Variants in FAM171A1 observed in about 807,000 individuals in gnomAD.
FAM171A1 encodes the protein family with sequence similarity 171 member A1.
FAM171A1 carries 23 observed loss-of-function variants against 74.9 expected under a neutral mutation model. That is an observed-to-expected ratio of 0.31 (90% CI 0.22 to 0.44). FAM171A1 has a LOEUF of 0.44. Ranked by LOEUF, FAM171A1 falls within the 20% of genes least tolerant of loss-of-function variation. The probability of loss-of-function intolerance (pLI) is 1.00; values close to 1 mark genes in which losing one functional copy is unlikely to be tolerated. For synonymous variants in FAM171A1, 527 were observed against 505.7 expected (o/e 1.04, Z -0.57); for missense variants, 1,162 against 1,159.2 (o/e 1.00, Z -0.03).
At position 15,213,281 on chromosome 10, in the gene FAM171A1, G is replaced by C; in HGVS notation, c.2307C>G (p.Val769=). The change falls in exon 8 of 8, where the codon GTC becomes GTG. Residue 769 remains valine (V), a synonymous_variant. Transcript: ENST00000378116. The surrounding 1 kb of genome is among the most constrained non-coding windows in gnomAD (Gnocchi z 6.8). ...GAGGCTCTTTCTGCTGGTGCTCTTGGACGGGCGGGTAGTTCTGCTGCAGAG... is the reference window on the plus strand; with the variant it reads ...GAGGCTCTTTCTGCTGGTGCTCTTGCACGGGCGGGTAGTTCTGCTGCAGAG... ...ALSLQQNYPP[V]QEHQQKEPRA... The C allele has an allele frequency of 6.2e-7, 1 of 1,614,068 alleles. No homozygotes were observed. Among genetic ancestry groups the C allele is most frequent in the Non-Finnish European group, 8.5e-7 (1 of 1,180,030 alleles).
chr10:15,260,404 T>A (rs557415952), intron 3 of FAM171A1, among the ~76,000 whole-genome samples: 11 of 152,330 alleles, frequency 7.2e-5, no homozygotes, highest in African/African-American at 1.9e-4. Context: ...CTCTACCACC[T>A]TATAGTTGAG....
intron 2 of FAM171A1, among the ~76,000 whole-genome samples, chr10:15,278,915 C>G (rs963896552): frequency 6.6e-6 from 1 of 152,178 alleles, no homozygotes. Context: ...CACAGGGCAC[C>G]TCCTGGCGAG....
Position 15,212,749 on chromosome 10 carries a change from T to C in FAM171A1, c.*166A>G, listed in dbSNP as rs1369553480. On this transcript the variant is annotated 3_prime_UTR_variant, in exon 8 of 8. Transcript: ENST00000378116. ...GTCATCCTTTATTCCGAGTAATAACTTTAATTCCTTTCTAACATTTACACG... is the reference window on the plus strand; with the variant it reads ...GTCATCCTTTATTCCGAGTAATAACCTTAATTCCTTTCTAACATTTACACG... The C allele has an allele frequency of 1.0e-6, 1 of 975,370 alleles. No homozygotes were observed. The highest frequency in any genetic ancestry group is 1.5e-6 in the Non-Finnish European group (1 of 666,132). The allele number at this position is 975,370 out of a possible 1,614,324, so 60.4% of individuals were successfully genotyped here.
intron 5 of FAM171A1, among the ~76,000 whole-genome samples, chr10:15,229,444 G>A (rs376860599): frequency 0.079 from 11,529 of 146,394 alleles, 1,157 homozygotes; most frequent in African/African-American, 0.24. Flanking sequence ...CATCACCATC[G>A]TCACCACCAT....
chr10:15,274,591 C>G (rs1834868795), intron 3 of FAM171A1, among the ~76,000 whole-genome samples: 1 of 152,048 alleles, frequency 6.6e-6, no homozygotes, highest in Non-Finnish European at 1.5e-5. Context: ...AATCTTAAGC[C>G]AAAAGAACAA....
chr10:15,357,724 A>C (rs904903898), intron 1 of FAM171A1, among the ~76,000 whole-genome samples: 12 of 152,334 alleles, frequency 7.9e-5, no homozygotes, highest in African/African-American at 2.9e-4. Context: ...AAAGGCACAG[A>C]ATATGATTAA....
At chr10:15,305,113 T>C (rs1164018482) in intron 1 of FAM171A1, among the ~76,000 whole-genome samples, 1 of 152,132 alleles carries the variant, frequency 6.6e-6, no homozygotes, top group Non-Finnish European at 1.5e-5. Flanking sequence ...TAATAAAACT[T>C]ATAATTTAAA....
At chr10:15,373,963 G>A (rs1564295771), upstream of FAM171A1, among the ~76,000 whole-genome samples, 3 of 152,148 alleles carry the variant, frequency 2.0e-5, no homozygotes, top group Admixed American at 2.0e-4. Flanking sequence ...GCAGCCTAAA[G>A]CCATCGTTTT....
intron 2 of FAM171A1, among the ~76,000 whole-genome samples, chr10:15,281,953 T>A (rs1834975948): frequency 6.6e-6 from 1 of 152,232 alleles, no homozygotes; most frequent in South Asian, 2.1e-4. Context: ...CAAAGTGTAG[T>A]AGCTGCTCAT....
At chr10:15,314,203 T>C (rs1486507831) in intron 1 of FAM171A1, among the ~76,000 whole-genome samples, 9 of 152,106 alleles carry the variant, frequency 5.9e-5, no homozygotes, top group Non-Finnish European at 5.9e-5. Flanking sequence ...TCGTGTGTTA[T>C]TATAACAAAG....
At chr10:15,370,234 A>ATT (rs1288902617) in intron 1 of FAM171A1, among the ~76,000 whole-genome samples, 18 of 127,746 alleles carry the variant, frequency 1.4e-4, no homozygotes, top group African/African-American at 5.0e-4. Flanking sequence ...TCTGGAAAGG[A>ATT]TTTTTCTTTT....
At position 15,309,348 on chromosome 10, in the gene FAM171A1, T is replaced by C. The variant is rs143021925; in HGVS notation, c.98-25243A>G. 4.8e-3 allele frequency among the ~76,000 whole-genome samples: 735 copies of C among 152,246 alleles called. 5 individuals carry two copies. The highest frequency in any genetic ancestry group is 0.016 in the African/African-American group (685 of 41,560). On this transcript the variant is annotated intron_variant, in intron 1 of 7. Transcript: ENST00000378116. ...TCAGCCTCCCGAGTAGCTGGGACTA[T>C]AGGCACACACCACCATGTCTGGTTG...
At chr10:15,266,155 G>A (rs915220915) in intron 3 of FAM171A1, among the ~76,000 whole-genome samples, 4 of 152,154 alleles carry the variant, frequency 2.6e-5, no homozygotes, top group Admixed American at 6.6e-5. Flanking sequence ...CTTCTACCTG[G>A]CTCACAGAAG....
chr10:15,241,424 G>C (rs550002887), intron 5 of FAM171A1: 1 of 152,160 alleles, frequency 6.6e-6, no homozygotes, highest in East Asian at 1.9e-4. Flanking sequence ...TGGTTTGTGG[G>C]GATATAAGTT....
Position 15,229,521 on chromosome 10 carries a change from AC to A in FAM171A1, c.755-8462del, listed in dbSNP as rs1035395526. On this transcript the variant is annotated intron_variant, in intron 5 of 7. Coordinates refer to ENST00000378116, the MANE Select transcript of FAM171A1 (RefSeq NM_001010924.2). ...CACCAACACCATCATCACCATTGTC[AC>A]CCCCCTCACCATCATCACCATCATC... 1.6e-4 allele frequency among the ~76,000 whole-genome samples: 18 copies of A among 114,946 alleles called. 1 individual carries two copies. The highest frequency in any genetic ancestry group is 4.4e-4 in the African/African-American group (13 of 29,576). 75.4% of individuals were successfully genotyped at this position (114,946 alleles called of 152,430 possible). A position where few individuals can be genotyped will look rare whatever the true frequency, so the allele number is the denominator to read the frequency against.
intron 5 of FAM171A1, among the ~76,000 whole-genome samples, chr10:15,231,211 AT>A (rs967426514): frequency 3.1e-4 from 45 of 147,468 alleles, no homozygotes; most frequent in Middle Eastern, 3.5e-3. Flanking sequence ...TTCTTATTTT[AT>A]TTTTTTTTTT....
chr10:15,278,514 G>A (rs1333871484), intron 2 of FAM171A1, among the ~76,000 whole-genome samples: 4 of 152,148 alleles, frequency 2.6e-5, no homozygotes, highest in African/African-American at 9.7e-5. Context: ...AATGTCTATC[G>A]GCTGATGAAT....
chr10:15,356,048 A>G (rs17294192), intron 1 of FAM171A1, among the ~76,000 whole-genome samples: 14,024 of 152,142 alleles, frequency 0.092, 746 homozygotes, highest in Middle Eastern at 0.16. Flanking sequence ...AAAGAAAAAT[A>G]TAAGTTTGGA....
intron 5 of FAM171A1, among the ~76,000 whole-genome samples, chr10:15,245,690 A>C (rs560608943): frequency 7.2e-5 from 11 of 152,338 alleles, no homozygotes; most frequent in Non-Finnish European, 1.3e-4. Flanking sequence ...TGTGCCCCCC[A>C]GACTCCCTGC....
Sources: allele counts gnomAD v4.1 joint callset (sites outside exome capture counted in the v4.1 genomes callset), GRCh38; gene constraint gnomAD v4.1.1; non-coding constraint Gnocchi (gnomAD v3.1); transcripts MANE v1.5; gene names NCBI Gene and HGNC (gene_info 2026-07-23, HGNC 2026-07-21).